Variants in CCSER1 observed in about 807,000 individuals in gnomAD.
CCSER1 encodes coiled-coil serine rich protein 1, also known as serine-rich coiled-coil domain-containing protein 1.
A neutral mutation model predicts 82.0 loss-of-function variants in CCSER1; 41 were observed. The observed-to-expected ratio is 0.50, with a 90% CI of 0.39 to 0.65. The LOEUF (loss-of-function observed/expected upper bound fraction) is 0.65, where lower values mean the gene tolerates loss of function less well. CCSER1 is among the 30% of genes least tolerant of loss of function. CCSER1 has a pLI of 0.00. For missense variants in CCSER1, 1,119 were observed against 1,064.2 expected, an observed-to-expected ratio of 1.05 and a Z score of -0.72; for synonymous variants, 414 against 383.9, an observed-to-expected ratio of 1.08 and a Z score of -0.92.
chr4:91,144,531 T>C (rs1217818295), intron 10 of CCSER1, among the ~76,000 whole-genome samples: 1 of 152,002 alleles, frequency 6.6e-6, no homozygotes, highest in East Asian at 1.9e-4. Flanking sequence ...TCATTTTCTC[T>C]AGTTTCCAGG....
intron 1 of CCSER1, among the ~76,000 whole-genome samples, chr4:90,156,199 A>T (rs1728115646): frequency 6.6e-6 from 1 of 152,276 alleles, no homozygotes; most frequent in Admixed American, 6.5e-5. Flanking sequence ...GAGTTTCTTA[A>T]TCCTGAGTTC....
chr4:90,835,585 C>T (rs1355298354), intron 8 of CCSER1, among the ~76,000 whole-genome samples: 2 of 152,076 alleles, frequency 1.3e-5, no homozygotes, highest in Non-Finnish European at 2.9e-5. Flanking sequence ...GGGATTTGCC[C>T]CCTGAGCATA....
At chr4:91,089,911 A>T (rs1723777141) in intron 10 of CCSER1, among the ~76,000 whole-genome samples, 1 of 152,208 alleles carries the variant, frequency 6.6e-6, no homozygotes, top group South Asian at 2.1e-4. Flanking sequence ...CTCCTCCTTC[A>T]GCTGCTAGCA....
intron 10 of CCSER1, among the ~76,000 whole-genome samples, chr4:91,108,332 G>T (rs549356445): frequency 6.6e-6 from 1 of 152,036 alleles, no homozygotes; most frequent in African/African-American, 2.4e-5. Context: ...TATGGCATTG[G>T]GGTAGATAGT....
intron 7 of CCSER1, among the ~76,000 whole-genome samples, chr4:90,814,141 G>A (rs1758697554): frequency 6.6e-6 from 1 of 152,226 alleles, no homozygotes; most frequent in Admixed American, 6.5e-5. Flanking sequence ...ACCCTCTGAA[G>A]AAAGACCTGG....
At position 91,200,459 on chromosome 4, in the gene CCSER1, A is replaced by G. The variant is rs181238755; in HGVS notation, c.2217+114465A>G. ...AAAAGAATGCATTTTGGAAAAACCA[A>G]TAGCTGACTTGTAGTGGGGGGCCAC... On this transcript the variant is annotated intron_variant, in intron 10 of 10. Transcript: ENST00000509176. 5.4e-3 allele frequency among the ~76,000 whole-genome samples: 825 copies of G among 152,180 alleles called. 7 individuals carry two copies. The highest frequency in any genetic ancestry group is 0.019 in the African/African-American group (782 of 41,554).
rs184092047 is a variant in CCSER1 at position 91,346,516 on chromosome 4, G to A, written c.2218-252056G>A. ...TAGGTAAATACTAAGGAGCACAATTGCTGGATCCTATGATAAGAGTGTGTT... is the reference window on the plus strand; with the variant it reads ...TAGGTAAATACTAAGGAGCACAATTACTGGATCCTATGATAAGAGTGTGTT... On this transcript the variant is annotated intron_variant, in intron 10 of 10. Transcript: ENST00000509176. Among the ~76,000 whole-genome samples, 14 of 152,240 alleles carry A rather than the reference G, an allele frequency of 9.2e-5. No homozygotes were observed. In the East Asian group the frequency reaches 2.7e-3, roughly 29 times the overall value.
intron 10 of CCSER1, among the ~76,000 whole-genome samples, chr4:91,346,161 C>A (rs6843253): frequency 6.6e-6 from 1 of 151,420 alleles, no homozygotes; most frequent in African/African-American, 2.4e-5. Context: ...GGACTACAGG[C>A]GCTCACCACC....
chr4:90,533,552 A>C (rs571211194), intron 5 of CCSER1, among the ~76,000 whole-genome samples: 1 of 152,224 alleles, frequency 6.6e-6, no homozygotes, highest in Non-Finnish European at 1.5e-5. Context: ...AGTGATTTTT[A>C]TTCACTCACT....
intron 10 of CCSER1, among the ~76,000 whole-genome samples, chr4:91,362,898 T>C (rs1488370899): frequency 6.6e-6 from 1 of 151,786 alleles, no homozygotes; most frequent in Non-Finnish European, 1.5e-5. Context: ...TCTCATGTTG[T>C]ATTTATGTAC....
intron 10 of CCSER1, among the ~76,000 whole-genome samples, chr4:91,131,149 T>C (rs574147305): frequency 1.3e-5 from 2 of 152,052 alleles, no homozygotes; most frequent in East Asian, 3.9e-4. Context: ...ATTGTGTAAA[T>C]AATAGATGAC....
intron 10 of CCSER1, among the ~76,000 whole-genome samples, chr4:91,158,567 G>A (rs1251633808): frequency 6.6e-6 from 1 of 151,748 alleles, no homozygotes; most frequent in African/African-American, 2.4e-5. Context: ...ACTTTTCTAC[G>A]ATATTCAATG....
At chr4:90,486,735 G>A (rs918657629) in intron 5 of CCSER1, among the ~76,000 whole-genome samples, 1 of 151,840 alleles carries the variant, frequency 6.6e-6, no homozygotes, top group East Asian at 1.9e-4. Context: ...TTTTTGCCTC[G>A]TTCTCTCCCT....
intron 8 of CCSER1, among the ~76,000 whole-genome samples, chr4:90,919,243 A>G (rs1728023683): frequency 6.6e-6 from 1 of 151,912 alleles, no homozygotes; most frequent in African/African-American, 2.4e-5. Flanking sequence ...TGAATATGTG[A>G]TGTGGAGGCA....
intron 10 of CCSER1, among the ~76,000 whole-genome samples, chr4:91,337,035 C>G (rs1528563): frequency 0.78 from 118,459 of 151,876 alleles, 46,917 homozygotes; most frequent in African/African-American, 0.92. Flanking sequence ...CATATAAATG[C>G]TTACATATTT....
intron 3 of CCSER1, among the ~76,000 whole-genome samples, chr4:90,352,494 C>A (rs1265424733): frequency 6.6e-6 from 1 of 151,818 alleles, no homozygotes; most frequent in African/African-American, 2.4e-5. Flanking sequence ...TGAAACCCGT[C>A]CCTACTAAAA....
intron 10 of CCSER1, among the ~76,000 whole-genome samples, chr4:91,592,077 G>A (rs1054450659): frequency 4.6e-5 from 7 of 152,112 alleles, no homozygotes; most frequent in Non-Finnish European, 7.3e-5. Flanking sequence ...AACAAGACAG[G>A]CAGAGTCCCT....
chr4:91,406,461 G>A lies in CCSER1; in HGVS notation c.2218-192111G>A, dbSNP rs527581687. Reference sequence around the variant, plus strand: ...TTTAGTAATAGCCATCTTGCCAATTGTGTCAATAATATGTCGACTCTTTAA... The same window carrying A: ...TTTAGTAATAGCCATCTTGCCAATTATGTCAATAATATGTCGACTCTTTAA... On this transcript the variant is annotated intron_variant, in intron 10 of 10. Coordinates refer to ENST00000509176, the MANE Select transcript of CCSER1 (RefSeq NM_001145065.2). Among the ~76,000 whole-genome samples, 9 of 152,184 alleles carry A rather than the reference G, an allele frequency of 5.9e-5. No homozygotes were observed. The South Asian group carries it at 1.7e-3, about 28-fold the overall frequency.
chr4:90,900,241 A>G (rs1297445752), intron 8 of CCSER1, among the ~76,000 whole-genome samples: 1 of 151,370 alleles, frequency 6.6e-6, no homozygotes, highest in Admixed American at 6.6e-5. Context: ...TGGGTTTTCT[A>G]GATTGTCTGC....
Sources: allele counts gnomAD v4.1 joint callset (sites outside exome capture counted in the v4.1 genomes callset), GRCh38; gene constraint gnomAD v4.1.1; transcripts MANE v1.5; gene names NCBI Gene and HGNC (gene_info 2026-07-23, HGNC 2026-07-21).